Variants in SERPINI1 observed in about 807,000 individuals in gnomAD.
SERPINI1 encodes serpin family I member 1.
Under a neutral mutation model 41.1 loss-of-function variants are expected in SERPINI1, and 19 were observed. The observed-to-expected ratio is 0.46, with a 90% CI of 0.32 to 0.68. The LOEUF is 0.68. SERPINI1 is among the 30% of genes least tolerant of loss of function. The pLI, the probability that SERPINI1 is intolerant of heterozygous loss-of-function variation, is 0.03. For synonymous variants in SERPINI1, 138 were observed against 156.6 expected (o/e 0.88, Z 0.89); for missense variants, 460 against 479.2 (o/e 0.96, Z 0.37).
At chr3:167,810,034 T>C (rs932170232) in intron 6 of SERPINI1, among the ~76,000 whole-genome samples, 1 of 152,114 alleles carries the variant, frequency 6.6e-6, no homozygotes, top group Admixed American at 6.6e-5. Context: ...CCCTAACCAA[T>C]ATATCCTTAC....
At chr3:167,748,643 G>A (rs1458443402) in intron 1 of SERPINI1, among the ~76,000 whole-genome samples, 1 of 152,092 alleles carries the variant, frequency 6.6e-6, no homozygotes, top group East Asian at 1.9e-4. Flanking sequence ...TTGATGATGC[G>A]GATTTGAGGG....
intron 1 of SERPINI1, among the ~76,000 whole-genome samples, chr3:167,778,489 G>A (rs564419050): frequency 6.6e-6 from 1 of 152,324 alleles, no homozygotes; most frequent in South Asian, 2.1e-4. Context: ...GTCTTTGGAA[G>A]CTGAGTCAGT....
At chr3:167,737,955 C>T (rs1725536310) in intron 1 of SERPINI1, among the ~76,000 whole-genome samples, 1 of 151,778 alleles carries the variant, frequency 6.6e-6, no homozygotes, top group Admixed American at 6.6e-5. Flanking sequence ...GTTTCAATAT[C>T]ATTTGAAAAA....
chr3:167,783,013 G>A lies in SERPINI1; in HGVS notation c.-18-6098G>A, dbSNP rs149524337. On this transcript the variant is annotated intron_variant, in intron 1 of 8. Coordinates refer to ENST00000446050, the MANE Select transcript of SERPINI1 (RefSeq NM_001122752.2). Reference sequence around the variant, plus strand: ...TCAGGACTAAAGATTTTGGGCTTTGGTCTACAGGGATGAGAGAACTCCTGA... The same window carrying A: ...TCAGGACTAAAGATTTTGGGCTTTGATCTACAGGGATGAGAGAACTCCTGA... Among the ~76,000 whole-genome samples, 70 of 152,294 alleles carry A rather than the reference G, an allele frequency of 4.6e-4. 1 individual carries two copies. The East Asian group carries it at 0.013, about 29-fold the overall frequency.
At chr3:167,804,015 G>A (rs919354069) in intron 5 of SERPINI1, among the ~76,000 whole-genome samples, 6 of 152,078 alleles carry the variant, frequency 3.9e-5, no homozygotes, top group Admixed American at 6.6e-5. Context: ...ATAAGCAAAC[G>A]CATACACACA....
chr3:167,796,426 A>G (rs943825223), intron 5 of SERPINI1, among the ~76,000 whole-genome samples: 1 of 151,996 alleles, frequency 6.6e-6, no homozygotes, highest in Non-Finnish European at 1.5e-5. Flanking sequence ...AACGTGTGCC[A>G]TGGTAGTTTG....
At chr3:167,742,620 C>T (rs1156494374) in intron 1 of SERPINI1, among the ~76,000 whole-genome samples, 1 of 152,130 alleles carries the variant, frequency 6.6e-6, no homozygotes, top group Admixed American at 6.5e-5. Flanking sequence ...CTAACTGGCT[C>T]ATGTCATATG....
chr3:167,748,198 A>G (rs77722367), intron 1 of SERPINI1, among the ~76,000 whole-genome samples: 5,422 of 152,136 alleles, frequency 0.036, 295 homozygotes, highest in East Asian at 0.22. Context: ...CACAAAATCC[A>G]TCATACTGGA....
At chr3:167,804,299 T>C (rs747948444) in intron 5 of SERPINI1, among the ~76,000 whole-genome samples, 1 of 152,230 alleles carries the variant, frequency 6.6e-6, no homozygotes, top group Non-Finnish European at 1.5e-5. Flanking sequence ...TCATTCCTTT[T>C]GTTTACCGCC....
intron 1 of SERPINI1, among the ~76,000 whole-genome samples, chr3:167,741,065 C>T (rs966793644): frequency 6.6e-5 from 10 of 152,072 alleles, no homozygotes; most frequent in Non-Finnish European, 1.2e-4. Flanking sequence ...TCATGAAGAA[C>T]GAATGAGTTT....
intron 1 of SERPINI1, among the ~76,000 whole-genome samples, chr3:167,747,991 C>T (rs965154230): frequency 6.7e-6 from 1 of 150,090 alleles, no homozygotes; most frequent in African/African-American, 2.4e-5. Context: ...CAACTTTAAG[C>T]AGATAAAAAT....
rs548285165 is a variant in SERPINI1 at position 167,757,677 on chromosome 3, G to A, written c.-19+21854G>A. Among the ~76,000 whole-genome samples, 13 of 152,218 alleles carry A rather than the reference G, an allele frequency of 8.5e-5. No individual in the cohort carries two copies. The East Asian group carries it at 1.9e-3, about 23-fold the overall frequency. ...CTCATGCCTATAATCCTAGCACTTC[G>A]GGAGGTTGAGGCAGGCAGATCACTT... On this transcript the variant is annotated intron_variant, in intron 1 of 8. Coordinates refer to ENST00000446050, the MANE Select transcript of SERPINI1 (RefSeq NM_001122752.2).
At chr3:167,783,907 C>T (rs1345591534) in intron 1 of SERPINI1, among the ~76,000 whole-genome samples, 1 of 152,178 alleles carries the variant, frequency 6.6e-6, no homozygotes. Flanking sequence ...TGAAAGAGTT[C>T]CCTGACAGGA....
chr3:167,738,403 A>T (rs1725554670), intron 1 of SERPINI1, among the ~76,000 whole-genome samples: 1 of 152,182 alleles, frequency 6.6e-6, no homozygotes, highest in African/African-American at 2.4e-5. Flanking sequence ...TCTTTTTAAC[A>T]GGAAGATTCA....
intron 1 of SERPINI1, among the ~76,000 whole-genome samples, chr3:167,765,818 TA>T (rs1355856572): frequency 6.6e-6 from 1 of 152,176 alleles, no homozygotes; most frequent in African/African-American, 2.4e-5. Flanking sequence ...CCAGATACCC[TA>T]AATCATCTCT....
At chr3:167,743,430 T>C (rs1352894388) in intron 1 of SERPINI1, among the ~76,000 whole-genome samples, 1 of 152,128 alleles carries the variant, frequency 6.6e-6, no homozygotes, top group Non-Finnish European at 1.5e-5. Flanking sequence ...TGTAAATAAG[T>C]ACATTAATTT....
intron 7 of SERPINI1, 116 bp from the exon 8 acceptor site, chr3:167,824,357 G>T: frequency 2.8e-6 from 2 of 723,812 alleles, no homozygotes; most frequent in South Asian, 1.8e-5. Context: ...TTAAAATCTT[G>T]TTTCCTGTAA....
At chr3:167,744,559 GC>G (rs1553770398) in intron 1 of SERPINI1, among the ~76,000 whole-genome samples, 4 of 144,452 alleles carry the variant, frequency 2.8e-5, no homozygotes, top group Non-Finnish European at 3.0e-5. Context: ...AAAAAGTAAT[GC>G]TACACTTTAA....
At chr3:167,750,188 C>G (rs1725998866) in intron 1 of SERPINI1, among the ~76,000 whole-genome samples, 1 of 152,120 alleles carries the variant, frequency 6.6e-6, no homozygotes, top group African/African-American at 2.4e-5. Context: ...ATTAAAGAAA[C>G]CAAAGCTTTG....
Sources: gnomAD v4.1 joint callset for allele counts (sites outside exome capture counted in the v4.1 genomes callset) on GRCh38, gnomAD v4.1.1 for gene constraint, MANE v1.5 for transcripts, NCBI Gene and HGNC (gene_info 2026-07-23, HGNC 2026-07-21) for gene names.